Variants in OSBPL9 observed in about 807,000 individuals in gnomAD.
OSBPL9 encodes oxysterol binding protein like 9, also known as oxysterol-binding protein-related protein 9.
Under a neutral mutation model 106.6 loss-of-function variants are expected in OSBPL9, and 40 were observed. That is an observed-to-expected ratio of 0.38 (90% confidence interval 0.29 to 0.49). OSBPL9 has a LOEUF of 0.49. Among genes scored for constraint, OSBPL9 ranks in the 20% least tolerant of loss-of-function variants. OSBPL9 has a pLI of 0.97. For missense variants in OSBPL9, 609 were observed against 887.2 expected, an observed-to-expected ratio of 0.69 and a Z score of 3.98; for synonymous variants, 269 against 295.4, an observed-to-expected ratio of 0.91 and a Z score of 0.92.
chr1:51,538,264 C>G, the OSBPL9 span, among the ~76,000 whole-genome samples: 140 of 152,170 alleles, frequency 9.2e-4, 1 homozygote, highest in African/African-American at 3.3e-3. Context: ...TGCACTCCAG[C>G]CTGGGCAACA....
chr1:51,621,723 G>A (rs1226688496), intron 1 of OSBPL9, among the ~76,000 whole-genome samples: 1 of 151,972 alleles, frequency 6.6e-6, no homozygotes, highest in Admixed American at 6.6e-5. Context: ...TTAATCTCTA[G>A]TTCTCCCTCT....
chr1:51,713,902 C>A, intron 3 of OSBPL9, 101 bp from the exon 4 acceptor site: 2 of 935,700 alleles, frequency 2.1e-6, no homozygotes, highest in South Asian at 1.9e-5. Context: ...CAACTAAAAA[C>A]CTTTTCTGTT....
Position 51,751,477 on chromosome 1 carries a change from A to G in OSBPL9, c.543+1282A>G, listed in dbSNP as rs566840444. Among the ~76,000 whole-genome samples the G allele has an allele frequency of 7.6e-4, 116 of 152,178 alleles. 1 individual carries two copies. Among genetic ancestry groups the G allele is most frequent in the African/African-American group, 2.7e-3 (113 of 41,504 alleles). Reference sequence around the variant, plus strand: ...AATTTTTCATTTCCTGTTGTAGATCATAGTATATTCCAAAGCCAAGCAGAA... The same window carrying G: ...AATTTTTCATTTCCTGTTGTAGATCGTAGTATATTCCAAAGCCAAGCAGAA... On this transcript the variant is annotated intron_variant, in intron 8 of 23. Transcript: ENST00000428468.
chr1:51,782,500 C>T, intron 16 of OSBPL9, 59 bp from the exon 17 acceptor site: 1 of 1,429,484 alleles, frequency 7.0e-7, no homozygotes, highest in Non-Finnish European at 9.6e-7. Flanking sequence ...TTACCAGATT[C>T]TCTGAAATGT....
intron 4 of OSBPL9, chr1:51,730,083 G>A: frequency 7.9e-7 from 1 of 1,264,436 alleles, no homozygotes; most frequent in Non-Finnish European, 1.0e-6. Context: ...GCCGGAGCGC[G>A]AATGTCGTGC....
At chr1:51,603,073 T>C (rs1345560594) in intron 2 of OSBPL9, among the ~76,000 whole-genome samples, 1 of 152,272 alleles carries the variant, frequency 6.6e-6, no homozygotes, top group East Asian at 1.9e-4. Flanking sequence ...GAGAATCACT[T>C]AAGCTCAGGA....
At chr1:51,676,579 A>C (rs573897320) in intron 3 of OSBPL9, among the ~76,000 whole-genome samples, 31 of 151,538 alleles carry the variant, frequency 2.0e-4, no homozygotes, top group African/African-American at 6.8e-4. Flanking sequence ...GGATGACTTG[A>C]ACTCAGGAGG....
At chr1:51,753,446 G>A (rs1297965306) in intron 8 of OSBPL9, among the ~76,000 whole-genome samples, 2 of 152,254 alleles carry the variant, frequency 1.3e-5, no homozygotes, top group South Asian at 2.1e-4. Flanking sequence ...AAAAAAAGAA[G>A]GATGCAAATT....
chr1:51,637,850 A>G (rs1331510716), intron 1 of OSBPL9, among the ~76,000 whole-genome samples: 1 of 152,224 alleles, frequency 6.6e-6, no homozygotes, highest in East Asian at 1.9e-4. Context: ...ATTTAGTGGC[A>G]TTAGATATTG....
intron 8 of OSBPL9, among the ~76,000 whole-genome samples, chr1:51,753,401 A>G (rs2149035604): frequency 6.6e-6 from 1 of 152,358 alleles, no homozygotes; most frequent in South Asian, 2.1e-4. Context: ...GGTAGCTGGC[A>G]TGTAATAAGC....
intron 8 of OSBPL9, among the ~76,000 whole-genome samples, chr1:51,752,252 C>T (rs756388266): frequency 6.6e-6 from 1 of 151,204 alleles, no homozygotes; most frequent in African/African-American, 2.4e-5. Context: ...CCCCCGCCCC[C>T]GGCTTTAGGG....
At chr1:51,631,154 A>T (rs1390436658) in intron 1 of OSBPL9, among the ~76,000 whole-genome samples, 1 of 152,112 alleles carries the variant, frequency 6.6e-6, no homozygotes, top group Non-Finnish European at 1.5e-5. Context: ...TCTTGTGCTG[A>T]GTTGCTTCTA....
intron 1 of OSBPL9, among the ~76,000 whole-genome samples, chr1:51,628,783 C>T (rs1187007534): frequency 6.7e-6 from 1 of 149,670 alleles, no homozygotes; most frequent in Non-Finnish European, 1.5e-5. Context: ...TGCTGGGTTC[C>T]AGCAATTCTC....
chr1:51,618,827 G>A (rs1190549256), intron 1 of OSBPL9, among the ~76,000 whole-genome samples: 2 of 152,170 alleles, frequency 1.3e-5, no homozygotes, highest in Admixed American at 6.5e-5. Context: ...ACATCACATA[G>A]CACTAAGTGA....
At chr1:51,773,747 CT>C (rs1040039039) in intron 14 of OSBPL9, among the ~76,000 whole-genome samples, 1 of 152,170 alleles carries the variant, frequency 6.6e-6, no homozygotes, top group African/African-American at 2.4e-5. Flanking sequence ...AAGAAAAAGA[CT>C]AATTCATAAT....
chr1:51,539,583 A>G, the OSBPL9 span, among the ~76,000 whole-genome samples: 4,904 of 152,296 alleles, frequency 0.032, 124 homozygotes, highest in Non-Finnish European at 0.051. Flanking sequence ...ATTAGTGTCT[A>G]TTATGTGCCA....
the OSBPL9 span, among the ~76,000 whole-genome samples, chr1:51,552,635 T>C: frequency 6.6e-6 from 1 of 151,436 alleles, no homozygotes; most frequent in Non-Finnish European, 1.5e-5. Flanking sequence ...CTACTTCAAT[T>C]TTTTTTTTAG....
chr1:51,545,791 T>C, the OSBPL9 span, among the ~76,000 whole-genome samples: 3 of 151,954 alleles, frequency 2.0e-5, no homozygotes, highest in South Asian at 6.2e-4. Context: ...CAGAGAAAAA[T>C]CAAGAGATGC....
intron 3 of OSBPL9, among the ~76,000 whole-genome samples, chr1:51,712,410 GGGGAGAGGGAGA>G (rs375563911): frequency 2.4e-4 from 37 of 152,068 alleles, no homozygotes; most frequent in African/African-American, 7.2e-4. Flanking sequence ...GGGAGACCGT[GGGGAGAGGGAGA>G]GGGAGAGGGA....
Sources: allele counts gnomAD v4.1 joint callset (sites outside exome capture counted in the v4.1 genomes callset), GRCh38; gene constraint gnomAD v4.1.1; transcripts MANE v1.5; gene names NCBI Gene and HGNC (gene_info 2026-07-23, HGNC 2026-07-21).